Variants in ATP1B3 observed in about 807,000 individuals in gnomAD.
ATP1B3 encodes ATPase Na+/K+ transporting subunit beta 3.
ATP1B3 carries 10 observed loss-of-function variants against 30.2 expected under a neutral mutation model. The observed-to-expected ratio is 0.33, with a 90% CI of 0.20 to 0.56. The LOEUF is 0.56. Among genes scored for constraint, ATP1B3 ranks in the 20% least tolerant of loss-of-function variants. The pLI is 0.90. For synonymous variants in ATP1B3, 113 were observed against 117.0 expected, an observed-to-expected ratio of 0.97 and a Z score of 0.22; for missense variants, 238 against 336.7, an observed-to-expected ratio of 0.71 and a Z score of 2.29.
chr3:141,897,940 C>T (rs1934098219), intron 1 of ATP1B3, among the ~76,000 whole-genome samples: 1 of 152,158 alleles, frequency 6.6e-6, no homozygotes, highest in South Asian at 2.1e-4. Context: ...GAACTCCTGA[C>T]CTCAGGTGAT....
At chr3:141,891,012 T>G (rs1049304054) in intron 1 of ATP1B3, among the ~76,000 whole-genome samples, 10 of 152,242 alleles carry the variant, frequency 6.6e-5, no homozygotes, top group Non-Finnish European at 5.9e-5. Flanking sequence ...TTTTTTTAAT[T>G]GTAATGGTTT....
chr3:141,912,578 G>T (rs1207638786), intron 3 of ATP1B3, among the ~76,000 whole-genome samples: 1 of 152,016 alleles, frequency 6.6e-6, no homozygotes, highest in Non-Finnish European at 1.5e-5. Context: ...TACTTTCATT[G>T]AATTCAATAC....
At chr3:141,883,573 A>G (rs930797124) in intron 1 of ATP1B3, among the ~76,000 whole-genome samples, 1 of 152,188 alleles carries the variant, frequency 6.6e-6, no homozygotes, top group Non-Finnish European at 1.5e-5. Flanking sequence ...TAGCATTTAT[A>G]ACTTTATATA....
intron 1 of ATP1B3, among the ~76,000 whole-genome samples, chr3:141,897,635 T>C (rs1229636140): frequency 6.6e-6 from 1 of 152,226 alleles, no homozygotes; most frequent in Non-Finnish European, 1.5e-5. Flanking sequence ...ATATAAAATG[T>C]GAGAGTGTGT....
Position 141,907,210 on chromosome 3 carries a change from A to G in ATP1B3, c.282A>G (p.Thr94=). Residue 94 remains threonine (T), a synonymous_variant, in exon 3 of 7, where the codon ACA becomes ACG. Coordinates refer to ENST00000286371, the MANE Select transcript of ATP1B3 (RefSeq NM_001679.4). ...FPKPVTALEY[T]FSRSDPTSYA... ...AACCAGTGACCGCATTGGAATATAC[A>G]TTCAGTAGGTCTGATCCAACTTCGT... The G allele has an allele frequency of 6.2e-7, 1 of 1,612,400 alleles. No individual in the cohort carries two copies. Among genetic ancestry groups the G allele is most frequent in the South Asian group, 1.1e-5 (1 of 90,500 alleles).
intron 1 of ATP1B3, among the ~76,000 whole-genome samples, chr3:141,899,083 G>T (rs1934117367): frequency 6.6e-6 from 1 of 152,192 alleles, no homozygotes; most frequent in Non-Finnish European, 1.5e-5. Context: ...TGCAGGGAGG[G>T]AGAGGAATGG....
chr3:141,903,507 A>G, intron 1 of ATP1B3, 113 bp from the exon 2 acceptor site: 2 of 1,475,014 alleles, frequency 1.4e-6, no homozygotes, highest in South Asian at 1.3e-5. Context: ...GTGCATGGCA[A>G]AGCTTGGGAT....
At chr3:141,914,697 CA>C (rs1934426012) in intron 4 of ATP1B3, among the ~76,000 whole-genome samples, 1 of 152,156 alleles carries the variant, frequency 6.6e-6, no homozygotes, top group African/African-American at 2.4e-5. Flanking sequence ...CTAAAGTCAT[CA>C]TTGGTGAGCA....
intron 5 of ATP1B3, among the ~76,000 whole-genome samples, chr3:141,917,523 G>A (rs770148540): frequency 5.9e-5 from 9 of 151,738 alleles, no homozygotes; most frequent in East Asian, 2.0e-4. Context: ...CTGAAACCTC[G>A]TCTCTACTAA....
At chr3:141,879,297 T>C (rs1326600932) in intron 1 of ATP1B3, among the ~76,000 whole-genome samples, 1 of 152,114 alleles carries the variant, frequency 6.6e-6, no homozygotes, top group Non-Finnish European at 1.5e-5. Context: ...ATTTCCTTGG[T>C]ATATATTTAT....
intron 3 of ATP1B3, 123 bp downstream of exon 3, chr3:141,907,397 A>G (rs1934282734): frequency 1.5e-6 from 1 of 645,216 alleles, no homozygotes; most frequent in African/African-American, 1.9e-5. Flanking sequence ...AAGCGGGCAG[A>G]TCACCTGAGG....
At chr3:141,918,655 T>G (rs1042428251) in intron 5 of ATP1B3, 3 of 152,108 alleles carry the variant, frequency 2.0e-5, no homozygotes, top group African/African-American at 7.2e-5. Flanking sequence ...GCCAGGATGG[T>G]CTCGATTCCC....
At chr3:141,887,199 A>C (rs116796984) in intron 1 of ATP1B3, among the ~76,000 whole-genome samples, 1 of 152,146 alleles carries the variant, frequency 6.6e-6, no homozygotes, top group African/African-American at 2.4e-5. Flanking sequence ...TGGCCATAGA[A>C]CTAACGGGCA....
intron 3 of ATP1B3, among the ~76,000 whole-genome samples, chr3:141,909,911 G>T (rs1279696257): frequency 6.6e-6 from 1 of 152,176 alleles, no homozygotes; most frequent in Non-Finnish European, 1.5e-5. Context: ...GGAGATGGTG[G>T]CTTGGCAAGG....
At chr3:141,904,703 C>CTTTTTTTTTTTTTTT (rs35178202) in intron 2 of ATP1B3, among the ~76,000 whole-genome samples, 1 of 89,376 alleles carries the variant, frequency 1.1e-5, no homozygotes, top group Non-Finnish European at 2.1e-5. Flanking sequence ...TTTAAACAGT[C>CTTTTTTTTTTTTTTT]TTTTTTTTTT....
intron 6 of ATP1B3, 84 bp from the exon 7 acceptor site, chr3:141,925,447 T>G: frequency 6.9e-7 from 1 of 1,454,122 alleles, no homozygotes; most frequent in Non-Finnish European, 9.3e-7. Flanking sequence ...AAAAAGAAAA[T>G]TTACAGAATA....
At chr3:141,912,313 C>T (rs919004468) in intron 3 of ATP1B3, among the ~76,000 whole-genome samples, 16 of 151,982 alleles carry the variant, frequency 1.1e-4, no homozygotes, top group South Asian at 4.2e-4. Context: ...CTCACTGTGT[C>T]GCCCAGGCTG....
chr3:141,882,676 C>T (rs1215357171), intron 1 of ATP1B3, among the ~76,000 whole-genome samples: 2 of 152,170 alleles, frequency 1.3e-5, no homozygotes, highest in African/African-American at 2.4e-5. Flanking sequence ...CTCTGCCTCC[C>T]GGATTCAAGC....
At chr3:141,908,226 G>GT (rs1255217969) in intron 3 of ATP1B3, among the ~76,000 whole-genome samples, 1 of 151,934 alleles carries the variant, frequency 6.6e-6, no homozygotes, top group East Asian at 1.9e-4. Context: ...GTTTTTCAAA[G>GT]TTACCAGTTT....
Sources: allele counts gnomAD v4.1 joint callset (sites outside exome capture counted in the v4.1 genomes callset), GRCh38; gene constraint gnomAD v4.1.1; transcripts MANE v1.5; gene names NCBI Gene and HGNC (gene_info 2026-07-23, HGNC 2026-07-21).